Variants in ABCA13 observed in about 807,000 individuals in gnomAD.
ABCA13 encodes the protein ATP binding cassette subfamily A member 13, also known as ATP-binding cassette sub-family A member 13.
Under a neutral mutation model 478.7 loss-of-function variants are expected in ABCA13, and 476 were observed. That is an observed-to-expected ratio of 0.99 (90% CI 0.92 to 1.07). The LOEUF (loss-of-function observed/expected upper bound fraction) is 1.07. Among genes scored for constraint, ABCA13 ranks in the 50% least tolerant of loss-of-function variants. The pLI is 0.00. For missense variants in ABCA13, 6,060 were observed against 5,910.6 expected, an observed-to-expected ratio of 1.03 and a Z score of -0.83; for synonymous variants, 2,252 against 2,158.9, an observed-to-expected ratio of 1.04 and a Z score of -1.20.
chr7:48,333,686 G>T (rs1164275198), intron 27 of ABCA13, among the ~76,000 whole-genome samples: 1 of 152,034 alleles, frequency 6.6e-6, no homozygotes, highest in Non-Finnish European at 1.5e-5. Context: ...GATGCATCTG[G>T]GACTCCCTGA....
At chr7:48,380,641 A>G (rs751986580) in intron 35 of ABCA13, among the ~76,000 whole-genome samples, 11 of 152,226 alleles carry the variant, frequency 7.2e-5, no homozygotes, top group Non-Finnish European at 1.6e-4. Context: ...TAGGGTATCA[A>G]CTAACCCAGG....
chr7:48,373,821 A>G (rs1414730071), intron 33 of ABCA13, among the ~76,000 whole-genome samples: 1 of 152,204 alleles, frequency 6.6e-6, no homozygotes, highest in Non-Finnish European at 1.5e-5. Flanking sequence ...GCAAGTAAAA[A>G]ATATCTAACT....
chr7:48,241,087 T>G lies in ABCA13; in HGVS notation c.1262+21T>G, dbSNP rs776328199. ...AAGATGTAAGTCGCATTTCCCTGTT[T>G]GATTATTGATTAGGTAGATGACACA... On this transcript the variant is annotated intron_variant, in intron 10 of 61. Coordinates refer to ENST00000435803, the MANE Select transcript of ABCA13 (RefSeq NM_152701.5). 4 of 1,613,010 alleles carry G rather than the reference T, an allele frequency of 2.5e-6. No homozygotes were observed. In the East Asian group the frequency reaches 8.9e-5, roughly 36 times the overall value.
rs954517058 is a variant in ABCA13, at chr7:48,257,467, G to C, written c.2005+8116G>C. ...ATCGATGGGCTGTTATTACTTTGAG[G>C]TATGTTCCTTCATTGCCTAGTTTGT... On this transcript the variant is annotated intron_variant, in intron 15 of 61. Coordinates refer to ENST00000435803, the MANE Select transcript of ABCA13 (RefSeq NM_152701.5). Among the ~76,000 whole-genome samples the C allele has an allele frequency of 3.3e-5, 5 of 152,100 alleles. No individual in the cohort carries two copies. In the South Asian group the frequency reaches 1.0e-3, roughly 32 times the overall value.
intron 39 of ABCA13, among the ~76,000 whole-genome samples, chr7:48,405,539 G>A (rs975674828): frequency 2.6e-5 from 4 of 152,180 alleles, no homozygotes; most frequent in African/African-American, 4.8e-5. Flanking sequence ...TAAACTGGAC[G>A]AAACAATTTG....
intron 48 of ABCA13, among the ~76,000 whole-genome samples, chr7:48,502,484 A>G (rs1206640323): frequency 6.6e-6 from 1 of 152,316 alleles, no homozygotes; most frequent in East Asian, 1.9e-4. Flanking sequence ...CCCCACAGAA[A>G]CAGCAGTGTT....
intron 1 of ABCA13, among the ~76,000 whole-genome samples, chr7:48,191,489 C>T (rs1053549491): frequency 1.3e-5 from 2 of 152,224 alleles, no homozygotes; most frequent in Non-Finnish European, 2.9e-5. Flanking sequence ...CTGCAACCTC[C>T]ACCTCCCGGG....
rs998385177 is a variant in ABCA13, at chr7:48,528,278, A to G, written c.14287A>G (p.Thr4763Ala). The change falls in exon 55 of 62, where the codon ACT (threonine) becomes GCT (alanine). Residue 4763 changes from threonine to alanine, a missense_variant. Physicochemically the swap from Thr to Ala is moderately conservative, Grantham distance 58. Transcript: ENST00000435803. ...LGVNGAGKST[T>A]FKMLNGEVSL... is the part of the protein sequence containing the mutation. ...GGTGAATGGAGCTGGGAAGAGCACG[A>G]CTTTCAAAATGCTGAATGGTGAAGT... 5 of 1,580,050 alleles carry G rather than the reference A, an allele frequency of 3.2e-6. No homozygotes were observed. Among genetic ancestry groups the G allele is most frequent in the Non-Finnish European group, 4.3e-6 (5 of 1,161,712 alleles).
chr7:48,205,703 T>C (rs998187107), intron 3 of ABCA13, among the ~76,000 whole-genome samples: 1 of 152,238 alleles, frequency 6.6e-6, no homozygotes, highest in Non-Finnish European at 1.5e-5. Context: ...TTCTTTAGTG[T>C]CTTTCAACAT....
intron 59 of ABCA13, among the ~76,000 whole-genome samples, chr7:48,632,565 C>T (rs977508531): frequency 2.0e-5 from 3 of 152,006 alleles, no homozygotes; most frequent in Non-Finnish European, 2.9e-5. Context: ...TTTAAGTCTT[C>T]GATTCATCTT....
At chr7:48,580,104 A>G in intron 55 of ABCA13, 120 bp from the exon 56 acceptor site, 2 of 1,094,870 alleles carry the variant, frequency 1.8e-6, no homozygotes, top group Non-Finnish European at 2.5e-6. Flanking sequence ...TTATTGTGAA[A>G]TGAACTAATT....
chr7:48,215,212 A>G (rs1201934465), intron 3 of ABCA13, among the ~76,000 whole-genome samples: 1 of 152,180 alleles, frequency 6.6e-6, no homozygotes, highest in African/African-American at 2.4e-5. Flanking sequence ...AGGTCATTGT[A>G]GGGTTATTAA....
At chr7:48,560,483 A>G (rs1012701250) in intron 55 of ABCA13, among the ~76,000 whole-genome samples, 1 of 152,172 alleles carries the variant, frequency 6.6e-6, no homozygotes, top group Non-Finnish European at 1.5e-5. Flanking sequence ...AAAACCAGGT[A>G]CTGTAATTGC....
At chr7:48,314,673 A>G (rs1260669748) in intron 26 of ABCA13, among the ~76,000 whole-genome samples, 1 of 152,140 alleles carries the variant, frequency 6.6e-6, no homozygotes, top group Admixed American at 6.5e-5. Context: ...CCCCAGCCCC[A>G]TTGGTTTCCC....
intron 58 of ABCA13, among the ~76,000 whole-genome samples, chr7:48,595,537 T>TA (rs1404984084): frequency 6.6e-6 from 1 of 152,240 alleles, no homozygotes; most frequent in Non-Finnish European, 1.5e-5. Flanking sequence ...TTTAGCTTGA[T>TA]ACAGTTTTAT....
At chr7:48,482,993 G>T (rs879603551) in intron 46 of ABCA13, 83 bp from the exon 47 acceptor site, 2 of 1,076,966 alleles carry the variant, frequency 1.9e-6, no homozygotes, top group African/African-American at 1.6e-5. Flanking sequence ...GCTGTACCTG[G>T]TGGGGTTAGT....
chr7:48,633,502 C>G (rs953211651), intron 59 of ABCA13, among the ~76,000 whole-genome samples: 13 of 152,104 alleles, frequency 8.5e-5, no homozygotes, highest in African/African-American at 3.1e-4. Context: ...AACATACTCT[C>G]AAATCAACCA....
intron 23 of ABCA13, among the ~76,000 whole-genome samples, chr7:48,303,798 T>A (rs1800507628): frequency 6.6e-6 from 1 of 152,158 alleles, no homozygotes; most frequent in Admixed American, 6.5e-5. Context: ...CAAAGTATCA[T>A]TTTTTTCTCT....
At chr7:48,639,039 A>G (rs1028564294) in intron 59 of ABCA13, among the ~76,000 whole-genome samples, 2 of 152,182 alleles carry the variant, frequency 1.3e-5, no homozygotes, top group Non-Finnish European at 2.9e-5. Context: ...CAGAGATAGC[A>G]GCATCAGTAT....
Sources: allele counts gnomAD v4.1 joint callset (sites outside exome capture counted in the v4.1 genomes callset), GRCh38; gene constraint gnomAD v4.1.1; transcripts MANE v1.5; gene names NCBI Gene and HGNC (gene_info 2026-07-23, HGNC 2026-07-21).